BMPR1B: variants seen among roughly 807,000 people sequenced by gnomAD.
BMPR1B encodes bone morphogenetic protein receptor type-1B.
BMPR1B carries 12 observed loss-of-function variants against 59.1 expected under a neutral mutation model. The observed-to-expected ratio is 0.20, with a 90% CI of 0.13 to 0.33. The LOEUF (loss-of-function observed/expected upper bound fraction) is 0.33, where lower values mean the gene tolerates loss of function less well. Ranked by LOEUF, BMPR1B falls within the 10% of genes least tolerant of loss-of-function variation. The pLI is 1.00. For synonymous variants in BMPR1B, 237 were observed against 207.3 expected (o/e 1.14, Z -1.23); for missense variants, 550 against 610.9 (o/e 0.90, Z 1.05).
At chr4:95,094,919 C>A (rs988564379) in intron 3 of BMPR1B, among the ~76,000 whole-genome samples, 28 of 152,048 alleles carry the variant, frequency 1.8e-4, no homozygotes, top group African/African-American at 6.8e-4. Context: ...AAAATCTGTT[C>A]TTTCCCTACA....
chr4:94,990,490 A>G (rs1373796206), intron 2 of BMPR1B, among the ~76,000 whole-genome samples: 1 of 152,256 alleles, frequency 6.6e-6, no homozygotes, highest in African/African-American at 2.4e-5. Context: ...TGGCATACCC[A>G]TACAATGAAA....
chr4:94,785,250 T>C (rs138604375), intron 1 of BMPR1B, among the ~76,000 whole-genome samples: 1,977 of 152,282 alleles, frequency 0.013, 25 homozygotes, highest in Non-Finnish European at 0.015. Flanking sequence ...CAAAGAATTA[T>C]TGACATGTAA....
At position 94,974,675 on chromosome 4, in the gene BMPR1B, C is replaced by G. The variant is rs935161535; in HGVS notation, c.-112-21365C>G. On this transcript the variant is annotated intron_variant, in intron 2 of 12. Coordinates refer to ENST00000515059, the MANE Select transcript of BMPR1B (RefSeq NM_001203.3). ...TTTATTTTATAATTCTTTTTTTTCG[C>G]TAATTAGGTTAGTCTTCCCAGCTGT... Among the ~76,000 whole-genome samples, 3 of 151,932 alleles carry G rather than the reference C, an allele frequency of 2.0e-5. No homozygotes were observed. In the East Asian group the frequency reaches 5.8e-4, roughly 29 times the overall value.
chr4:94,919,253 C>T lies in BMPR1B; in HGVS notation c.-113+43353C>T, dbSNP rs1011421451. The stretch of plus-strand genomic sequence containing the variant: ...ATTTAACTGTCACCAGCCTTTTCCA[C>T]GATGCATTATATTCCCTTGTCATAT... On this transcript the variant is annotated intron_variant, in intron 2 of 12. Transcript: ENST00000515059. Among the ~76,000 whole-genome samples the T allele has an allele frequency of 1.2e-4, 18 of 152,268 alleles. No homozygotes were observed. The South Asian group carries it at 2.1e-3, about 18-fold the overall frequency.
intron 4 of BMPR1B, among the ~76,000 whole-genome samples, chr4:95,104,812 C>T (rs555218183): frequency 7.2e-5 from 11 of 152,190 alleles, no homozygotes; most frequent in African/African-American, 2.4e-4. Context: ...CCTCAGATCC[C>T]AGGCTCCTGG....
intron 10 of BMPR1B, among the ~76,000 whole-genome samples, chr4:95,134,993 A>C (rs999352738): frequency 6.6e-6 from 1 of 152,312 alleles, no homozygotes; most frequent in South Asian, 2.1e-4. Flanking sequence ...TTATGGTTTT[A>C]GGTCTCACAT....
chr4:95,059,505 G>A (rs1314033160), intron 3 of BMPR1B, among the ~76,000 whole-genome samples: 1 of 151,916 alleles, frequency 6.6e-6, no homozygotes, highest in East Asian at 1.9e-4. Context: ...CTTTCAATGG[G>A]GGAATTTCTG....
At chr4:95,087,907 C>A (rs1729707615) in intron 3 of BMPR1B, among the ~76,000 whole-genome samples, 1 of 152,028 alleles carries the variant, frequency 6.6e-6, no homozygotes, top group African/African-American at 2.4e-5. Context: ...AATGTTGTTT[C>A]TTAAGAGAAT....
intron 2 of BMPR1B, among the ~76,000 whole-genome samples, chr4:94,966,643 A>G (rs1007729625): frequency 3.9e-5 from 6 of 152,194 alleles, no homozygotes; most frequent in African/African-American, 1.4e-4. Flanking sequence ...CTCTGTGGAA[A>G]ATCTTCCAGT....
intron 3 of BMPR1B, among the ~76,000 whole-genome samples, chr4:95,038,999 G>A (rs183726008): frequency 8.5e-4 from 129 of 152,208 alleles, no homozygotes; most frequent in Admixed American, 2.4e-3. Flanking sequence ...GGTGTTTGGC[G>A]GTACAGACAT....
intron 2 of BMPR1B, among the ~76,000 whole-genome samples, chr4:94,905,907 GTTTA>G (rs1728020360): frequency 7.2e-6 from 1 of 137,946 alleles, no homozygotes; most frequent in Non-Finnish European, 1.6e-5. Flanking sequence ...TTCTTCTTTT[GTTTA>G]TTCTTTTTTT....
At chr4:94,963,835 A>G (rs899611783) in intron 2 of BMPR1B, among the ~76,000 whole-genome samples, 1 of 151,946 alleles carries the variant, frequency 6.6e-6, no homozygotes, top group Non-Finnish European at 1.5e-5. Flanking sequence ...GGTTCCATGT[A>G]AATTTTAGGA....
At chr4:94,890,311 C>T (rs1282191746) in intron 2 of BMPR1B, among the ~76,000 whole-genome samples, 4 of 151,886 alleles carry the variant, frequency 2.6e-5, no homozygotes, top group African/African-American at 9.7e-5. Flanking sequence ...TGAGGTAACC[C>T]CCTCTCCCCC....
At chr4:94,774,433 TAATCAGA>T (rs951852032) in intron 1 of BMPR1B, among the ~76,000 whole-genome samples, 2 of 152,088 alleles carry the variant, frequency 1.3e-5, no homozygotes, top group African/African-American at 2.4e-5. Context: ...TAAAATCTTT[TAATCAGA>T]AATGAGAAAG....
chr4:95,059,664 TAAAC>T (rs1389142166), intron 3 of BMPR1B, among the ~76,000 whole-genome samples: 1 of 141,812 alleles, frequency 7.1e-6, no homozygotes, highest in Non-Finnish European at 1.6e-5. Context: ...TTTTGTTAAA[TAAAC>T]TTAATGACAA....
At chr4:94,820,027 G>A (rs1170739660) in intron 1 of BMPR1B, among the ~76,000 whole-genome samples, 1 of 152,130 alleles carries the variant, frequency 6.6e-6, no homozygotes, top group Non-Finnish European at 1.5e-5. Context: ...TTAGTGAGTA[G>A]CTGAATGAAT....
chr4:94,978,887 G>C (rs1212100584), intron 2 of BMPR1B, among the ~76,000 whole-genome samples: 1 of 151,586 alleles, frequency 6.6e-6, no homozygotes, highest in African/African-American at 2.4e-5. Context: ...CATGGCAGAA[G>C]GGGAAGGAGG....
At chr4:95,154,223 A>G (rs1735253534) in intron 12 of BMPR1B, among the ~76,000 whole-genome samples, 1 of 152,248 alleles carries the variant, frequency 6.6e-6, no homozygotes, top group South Asian at 2.1e-4. Flanking sequence ...ATTAAAACTT[A>G]TCAAGTGTTA....
intron 2 of BMPR1B, among the ~76,000 whole-genome samples, chr4:94,899,343 G>A (rs941010241): frequency 7.0e-6 from 1 of 143,140 alleles, no homozygotes; most frequent in South Asian, 2.2e-4. Flanking sequence ...GACTTTTCAG[G>A]CCACTACAAC....
Sources: gnomAD v4.1 joint callset for allele counts (sites outside exome capture counted in the v4.1 genomes callset) on GRCh38, gnomAD v4.1.1 for gene constraint, MANE v1.5 for transcripts, NCBI Gene and HGNC (gene_info 2026-07-23, HGNC 2026-07-21) for gene names.